Variants in WNK2 observed in about 807,000 individuals in gnomAD.
WNK2 encodes WNK lysine deficient protein kinase 2.
WNK2 carries 67 observed loss-of-function variants against 192.1 expected under a neutral mutation model. That is an observed-to-expected ratio of 0.35 (90% CI 0.29 to 0.43). WNK2 has a LOEUF of 0.43. Among genes scored for constraint, WNK2 ranks in the 20% least tolerant of loss-of-function variants. The pLI is 1.00. For synonymous variants in WNK2, 1,439 were observed against 1,393.9 expected, an observed-to-expected ratio of 1.03 and a Z score of -0.72; for missense variants, 2,698 against 3,089.7, an observed-to-expected ratio of 0.87 and a Z score of 3.01.
intron 19 of WNK2, among the ~76,000 whole-genome samples, chr9:93,277,162 A>G (rs1308730139): frequency 6.6e-6 from 1 of 152,218 alleles, no homozygotes; most frequent in African/African-American, 2.4e-5. Flanking sequence ...AATGCAAATT[A>G]AAGCAGCCAC....
chr9:93,212,074 C>G (rs1373030396), intron 2 of WNK2, among the ~76,000 whole-genome samples: 1 of 152,234 alleles, frequency 6.6e-6, no homozygotes, highest in Non-Finnish European at 1.5e-5. Flanking sequence ...AGTTATTCAT[C>G]TACTCATTCA....
chr9:93,283,397 C>T (rs1159175858), intron 19 of WNK2, among the ~76,000 whole-genome samples: 3 of 151,994 alleles, frequency 2.0e-5, no homozygotes, highest in African/African-American at 7.3e-5. Flanking sequence ...TTAGTAAGCC[C>T]CCTGTGATGA....
chr9:93,298,182 T>G, intron 24 of WNK2, 115 bp downstream of exon 24: 5 of 1,130,008 alleles, frequency 4.4e-6, no homozygotes, highest in Non-Finnish European at 6.3e-6. Context: ...CCACTCGGGG[T>G]TATCTCCTTA....
intron 2 of WNK2, among the ~76,000 whole-genome samples, chr9:93,218,294 C>T (rs1019493387): frequency 1.3e-5 from 2 of 152,324 alleles, no homozygotes; most frequent in Admixed American, 6.5e-5. Context: ...AGCTGCTAAC[C>T]CTGCTGACCT....
chr9:93,272,972 A>G (rs529191632), intron 19 of WNK2, among the ~76,000 whole-genome samples: 15 of 152,284 alleles, frequency 9.9e-5, no homozygotes, highest in African/African-American at 3.6e-4. Flanking sequence ...AGTACATGCT[A>G]TCTATTAGAA....
chr9:93,267,736 C>A lies in WNK2; in HGVS notation c.3697-10C>A. 2 of 1,574,466 alleles carry A rather than the reference C, an allele frequency of 1.3e-6. No homozygotes were observed. Among genetic ancestry groups the A allele is most frequent in the Non-Finnish European group, 1.7e-6 (2 of 1,158,738 alleles). ...CAGCTGGTCCTCACTGGCAGTATGT[C>A]CCTTTGCAGGTGGAGCATGACTTTA... On this transcript the variant is annotated splice_polypyrimidine_tract_variant and intron_variant, in intron 16 of 29. Coordinates refer to ENST00000427277, the MANE Select transcript of WNK2 (RefSeq NM_006648.4).
intron 2 of WNK2, among the ~76,000 whole-genome samples, chr9:93,212,270 C>G (rs1834925002): frequency 6.6e-6 from 1 of 152,230 alleles, no homozygotes; most frequent in African/African-American, 2.4e-5. Flanking sequence ...AAGCCAGCAG[C>G]CAGATGTTGG....
At chr9:93,231,882 G>C (rs1276296518) in intron 4 of WNK2, among the ~76,000 whole-genome samples, 1 of 152,246 alleles carries the variant, frequency 6.6e-6, no homozygotes, top group African/African-American at 2.4e-5. Flanking sequence ...TCCTGGCACA[G>C]TGGGTGTGAA....
At chr9:93,281,101 A>G (rs1203260113) in intron 19 of WNK2, among the ~76,000 whole-genome samples, 1 of 152,204 alleles carries the variant, frequency 6.6e-6, no homozygotes, top group Non-Finnish European at 1.5e-5. Flanking sequence ...GAACAGACAC[A>G]AGGTTCACAA....
intron 28 of WNK2, chr9:93,308,822 C>T (rs1853102231): frequency 7.1e-7 from 1 of 1,400,970 alleles, no homozygotes; most frequent in Non-Finnish European, 9.3e-7. Flanking sequence ...CCAGGCCAGG[C>T]CAGGGCTGTG....
intron 2 of WNK2, among the ~76,000 whole-genome samples, chr9:93,220,746 G>A (rs895970273): frequency 6.6e-6 from 1 of 152,162 alleles, no homozygotes; most frequent in Non-Finnish European, 1.5e-5. Flanking sequence ...GAGAGGCTTT[G>A]TGGGTGTGGT....
intron 8 of WNK2, among the ~76,000 whole-genome samples, chr9:93,250,004 C>T (rs545809738): frequency 2.0e-5 from 3 of 147,526 alleles, no homozygotes; most frequent in South Asian, 4.3e-4. Context: ...ACCTCTGCCT[C>T]CTGGGTTCAA....
intron 2 of WNK2, among the ~76,000 whole-genome samples, chr9:93,191,274 A>G (rs2130983275): frequency 6.6e-6 from 1 of 152,296 alleles, no homozygotes; most frequent in Non-Finnish European, 1.5e-5. Flanking sequence ...AAAAGATAGC[A>G]TCAAGAGAAG....
At chr9:93,194,700 CT>C in intron 2 of WNK2, among the ~76,000 whole-genome samples, 1 of 152,202 alleles carries the variant, frequency 6.6e-6, no homozygotes, top group Non-Finnish European at 1.5e-5. Flanking sequence ...AACTGCGTTC[CT>C]TGGTATTTAC....
intron 28 of WNK2, among the ~76,000 whole-genome samples, chr9:93,311,095 A>AT (rs1479118138): frequency 6.6e-6 from 1 of 152,098 alleles, no homozygotes; most frequent in African/African-American, 2.4e-5. Context: ...GGGAACTTCC[A>AT]TTCTGCTTCT....
At chr9:93,188,420 T>G (rs553675314) in intron 2 of WNK2, among the ~76,000 whole-genome samples, 1 of 152,362 alleles carries the variant, frequency 6.6e-6, no homozygotes, top group Non-Finnish European at 1.5e-5. Flanking sequence ...TATTTATTTA[T>G]CTCACATCGA....
chr9:93,267,756 A>C lies in WNK2; in HGVS notation c.3707A>C (p.Asp1236Ala). The C allele has an allele frequency of 6.3e-7, 1 of 1,598,050 alleles. No individual in the cohort carries two copies. Among genetic ancestry groups the C allele is most frequent in the Non-Finnish European group, 8.5e-7 (1 of 1,172,236 alleles). ...DEIATYMVEH[D>A]FILQAERETF... is the part of the protein sequence containing the mutation. ...TATGTCCCTTTGCAGGTGGAGCATG[A>C]CTTTATCCTGCAGGCCGAGCGGGAA... The change falls in exon 17 of 30, where the codon GAC becomes GCC. Residue 1236 changes from aspartate (D) to alanine (A), a missense_variant. Physicochemically the swap from Asp to Ala is moderately radical, Grantham distance 126 (BLOSUM62 -2). Coordinates refer to ENST00000427277, the MANE Select transcript of WNK2 (RefSeq NM_006648.4).
intron 1 of WNK2, 26 bp from the exon 2 acceptor site, chr9:93,184,902 C>T (rs1039902681): frequency 2.0e-4 from 226 of 1,153,728 alleles, no homozygotes; most frequent in Non-Finnish European, 2.3e-4. Context: ...GGCGCTCACG[C>T]GGGCCTGTGT....
intron 19 of WNK2, among the ~76,000 whole-genome samples, chr9:93,281,764 C>G (rs1847771913): frequency 6.6e-6 from 1 of 151,982 alleles, no homozygotes. Flanking sequence ...TTAAAGGATG[C>G]CCAAGAAAAA....
Sources: allele counts gnomAD v4.1 joint callset (sites outside exome capture counted in the v4.1 genomes callset), GRCh38; gene constraint gnomAD v4.1.1; transcripts MANE v1.5; gene names NCBI Gene and HGNC (gene_info 2026-07-23, HGNC 2026-07-21).